The following ZNF516 variants were observed in gnomAD, a reference collection of about 807,000 sequenced individuals.
The protein encoded by ZNF516 is zinc finger protein 516.
A neutral mutation model predicts 79.7 loss-of-function variants in ZNF516; 19 were observed. That is an observed-to-expected ratio of 0.24 (90% CI 0.17 to 0.35). The LOEUF is 0.35. Ranked by LOEUF, ZNF516 falls within the 10% of genes least tolerant of loss-of-function variation. The pLI is 1.00. For synonymous variants in ZNF516, 877 were observed against 739.5 expected, an observed-to-expected ratio of 1.19 and a Z score of -3.02; for missense variants, 1,678 against 1,679.5, an observed-to-expected ratio of 1.00 and a Z score of 0.02.
chr18:76,470,951 A>C (rs965564110), intron 1 of ZNF516, among the ~76,000 whole-genome samples: 1 of 152,198 alleles, frequency 6.6e-6, no homozygotes, highest in Non-Finnish European at 1.5e-5. Context: ...GTTCCACAAA[A>C]ACCTGATTTT....
chr18:76,440,515 G>A (rs941684353), intron 3 of ZNF516, among the ~76,000 whole-genome samples: 1 of 152,130 alleles, frequency 6.6e-6, no homozygotes, highest in African/African-American at 2.4e-5. Context: ...AATAATAAAA[G>A]AAATATCAAA....
chr18:76,404,915 C>T (rs187417490), intron 3 of ZNF516, among the ~76,000 whole-genome samples: 1 of 152,218 alleles, frequency 6.6e-6, no homozygotes, highest in Admixed American at 6.5e-5. Context: ...TGTGTGGGGC[C>T]GTCCCTGCAG....
upstream of ZNF516, chr18:76,495,575 C>T (rs1469569133): frequency 1.3e-5 from 4 of 299,504 alleles, no homozygotes; most frequent in Admixed American, 1.0e-4. Context: ...GCCAATTCCT[C>T]CCCTAATAGC....
chr18:76,448,500 C>G (rs1337109902), intron 2 of ZNF516, among the ~76,000 whole-genome samples: 1 of 152,222 alleles, frequency 6.6e-6, no homozygotes, highest in Non-Finnish European at 1.5e-5. Context: ...GTTAACCCCA[C>G]TGACACTACA....
At chr18:76,418,213 T>C (rs924855875) in intron 3 of ZNF516, among the ~76,000 whole-genome samples, 6 of 151,878 alleles carry the variant, frequency 4.0e-5, no homozygotes, top group Admixed American at 6.6e-5. Flanking sequence ...ACACACGCTA[T>C]AACACACTGT....
chr18:76,476,300 A>G (rs1399427043), intron 1 of ZNF516, among the ~76,000 whole-genome samples: 7 of 141,206 alleles, frequency 5.0e-5, no homozygotes, highest in Middle Eastern at 7.5e-3. Flanking sequence ...AAATCACCGT[A>G]TATGTCTTAA....
chr18:76,376,598 T>C (rs1268663186), intron 4 of ZNF516, among the ~76,000 whole-genome samples: 2 of 149,550 alleles, frequency 1.3e-5, no homozygotes, highest in Non-Finnish European at 3.0e-5. Context: ...AAAGGGAAAA[T>C]ACTTCAGACT....
Position 76,361,817 on chromosome 18 carries a change from G to A in ZNF516, c.*681C>T, listed in dbSNP as rs1599121370. 6.6e-6 allele frequency: 1 copy of A among 152,244 alleles called. No individual in the cohort carries two copies. The highest frequency in any genetic ancestry group is 2.4e-5 in the African/African-American group (1 of 41,524). The allele number at this position is 152,244 out of a possible 1,614,324, so 9.4% of individuals were successfully genotyped here. The stretch of plus-strand genomic sequence containing the variant: ...TTTGCCAGATTCGCTCAGTTCGAAT[G>A]GTGGGAAGAATGGAACAGGCACACG... On this transcript the variant is annotated 3_prime_UTR_variant, in exon 7 of 7. Coordinates refer to ENST00000443185, the MANE Select transcript of ZNF516 (RefSeq NM_014643.4).
rs930238465 is a variant in ZNF516, at chr18:76,367,981, A to G, written c.3432+2547T>C. Among the ~76,000 whole-genome samples, 164 of 152,332 alleles carry G rather than the reference A, an allele frequency of 1.1e-3. 1 individual carries two copies. Among genetic ancestry groups the G allele is most frequent in the African/African-American group, 3.7e-3 (154 of 41,564 alleles). ...GTGTTGCATGATCAAAAAAAACCAC[A>G]GCCATGATCCCTAGCATCTAAAGCC... On this transcript the variant is annotated intron_variant, in intron 6 of 6. Coordinates refer to ENST00000443185, the MANE Select transcript of ZNF516 (RefSeq NM_014643.4).
intron 2 of ZNF516, among the ~76,000 whole-genome samples, chr18:76,458,264 T>C (rs1912854072): frequency 1.3e-5 from 2 of 152,222 alleles, no homozygotes; most frequent in African/African-American, 2.4e-5. Context: ...TTTTACGTCC[T>C]TTCACTTAAA....
At chr18:76,418,150 TACACAGTAAC>T (rs1255006464) in intron 3 of ZNF516, among the ~76,000 whole-genome samples, 2 of 152,036 alleles carry the variant, frequency 1.3e-5, no homozygotes, top group Admixed American at 6.5e-5. Context: ...CACAGTAACA[TACACAGTAAC>T]ACACTGTAAC....
intron 3 of ZNF516, among the ~76,000 whole-genome samples, chr18:76,406,863 G>A (rs182104036): frequency 1.9e-3 from 288 of 152,300 alleles, no homozygotes; most frequent in African/African-American, 6.0e-3. Flanking sequence ...CACGAGCACC[G>A]CCTCTTTGAG....
chr18:76,374,564 T>A (rs965090026), intron 4 of ZNF516, among the ~76,000 whole-genome samples: 1 of 152,196 alleles, frequency 6.6e-6, no homozygotes, highest in Non-Finnish European at 1.5e-5. Context: ...AACTTCTGAA[T>A]AAAACCTGTC....
intron 3 of ZNF516, among the ~76,000 whole-genome samples, chr18:76,382,917 G>A (rs1165883774): frequency 1.3e-5 from 2 of 152,058 alleles, no homozygotes; most frequent in Non-Finnish European, 2.9e-5. Flanking sequence ...GTGGTGGCAT[G>A]CGCCTCTAAT....
intron 4 of ZNF516, among the ~76,000 whole-genome samples, chr18:76,373,685 T>G (rs905417194): frequency 2.0e-5 from 3 of 152,270 alleles, no homozygotes; most frequent in African/African-American, 7.2e-5. Flanking sequence ...TCCGTGCTTA[T>G]TTCCTTGAAG....
At chr18:76,370,422 A>T in intron 6 of ZNF516, 106 bp downstream of exon 6, 2 of 1,076,946 alleles carry the variant, frequency 1.9e-6, no homozygotes, top group Non-Finnish European at 2.6e-6. Flanking sequence ...TTACACATCT[A>T]GTGAAAAAAA....
At position 76,493,100 on chromosome 18, in the gene ZNF516, T is replaced by C; in HGVS notation, c.-272+2044A>G. On this transcript the variant is annotated intron_variant, in intron 1 of 6. Coordinates refer to ENST00000443185, the MANE Select transcript of ZNF516 (RefSeq NM_014643.4). This position sits in a 1 kb window ranked among gnomAD's most constrained non-coding sequence, Gnocchi z 5.2. ...GAGACTTCGCAAAGCTGTTTCCTTTTTTTTTTTTCCTCCTCTCCTCCCTAC... is the reference window on the plus strand; with the variant it reads ...GAGACTTCGCAAAGCTGTTTCCTTTCTTTTTTTTCCTCCTCTCCTCCCTAC... The C allele has an allele frequency of 2.0e-6, 2 of 983,934 alleles. No homozygotes were observed. The highest frequency in any genetic ancestry group is 2.4e-6 in the Non-Finnish European group (2 of 828,858). 61.0% of individuals were successfully genotyped at this position (983,934 alleles called of 1,614,324 possible).
At chr18:76,495,772 C>G (rs1226877549), upstream of ZNF516, 46 of 1,138,568 alleles carry the variant, frequency 4.0e-5, no homozygotes, top group Non-Finnish European at 5.0e-5. Context: ...GGGGACACCC[C>G]TTCGGGGGTC....
At chr18:76,407,778 C>A (rs1254665537) in intron 3 of ZNF516, among the ~76,000 whole-genome samples, 2 of 152,256 alleles carry the variant, frequency 1.3e-5, no homozygotes, top group Non-Finnish European at 2.9e-5. Flanking sequence ...GCCAGCCACC[C>A]AGACACCCCT....
Sources: allele counts gnomAD v4.1 joint callset (sites outside exome capture counted in the v4.1 genomes callset), GRCh38; gene constraint gnomAD v4.1.1; non-coding constraint Gnocchi (gnomAD v3.1); transcripts MANE v1.5; gene names NCBI Gene and HGNC (gene_info 2026-07-23, HGNC 2026-07-21).